Variants in PRELID2 observed in about 807,000 individuals in gnomAD.
PRELID2 encodes PRELI domain-containing protein 2.
PRELID2 carries 25 observed loss-of-function variants against 28.4 expected under a neutral mutation model. The observed-to-expected ratio is 0.88, with a 90% CI of 0.64 to 1.23. The LOEUF (loss-of-function observed/expected upper bound fraction) is 1.23, where lower values mean the gene tolerates loss of function less well. Ranked by LOEUF, PRELID2 falls within the 50% of genes most tolerant of loss-of-function variation. PRELID2 has a pLI of 0.00. For synonymous variants in PRELID2, 76 were observed against 71.6 expected (o/e 1.06, Z -0.31); for missense variants, 201 against 214.4 (o/e 0.94, Z 0.39).
the PRELID2 span, among the ~76,000 whole-genome samples, chr5:145,458,118 A>G: frequency 6.6e-6 from 1 of 152,236 alleles, no homozygotes. Context: ...ACAATTATGC[A>G]TTAGTTCAAA....
downstream of PRELID2, among the ~76,000 whole-genome samples, chr5:145,753,741 A>G (rs1275875401): frequency 6.6e-6 from 1 of 152,222 alleles, no homozygotes; most frequent in Non-Finnish European, 1.5e-5. Flanking sequence ...TCTGAGGGTG[A>G]GACCCTGGCA....
the PRELID2 span, among the ~76,000 whole-genome samples, chr5:145,424,228 G>A: frequency 1.3e-5 from 2 of 152,104 alleles, no homozygotes; most frequent in Admixed American, 6.5e-5. Context: ...AGCCTACAGA[G>A]GCAGGCAGGC....
chr5:145,793,673 T>C (rs1340093488), intron 5 of PRELID2, among the ~76,000 whole-genome samples: 2 of 152,158 alleles, frequency 1.3e-5, no homozygotes, highest in African/African-American at 4.8e-5. Context: ...CTTTAAGAAG[T>C]TGAAGTCACC....
the PRELID2 span, among the ~76,000 whole-genome samples, chr5:145,314,308 G>A: frequency 2.0e-5 from 3 of 152,114 alleles, no homozygotes; most frequent in East Asian, 3.9e-4. Flanking sequence ...CTTTATGTGT[G>A]TGTTACATAA....
At chr5:145,368,982 T>C in the PRELID2 span, among the ~76,000 whole-genome samples, 3 of 151,742 alleles carry the variant, frequency 2.0e-5, no homozygotes, top group Non-Finnish European at 2.9e-5. Flanking sequence ...AACCCTCCGA[T>C]AGGCCCCAGT....
chr5:145,806,111 T>G (rs747720287), intron 4 of PRELID2, among the ~76,000 whole-genome samples: 13 of 152,190 alleles, frequency 8.5e-5, no homozygotes, highest in Non-Finnish European at 1.6e-4. Context: ...CTACACTAAA[T>G]TTATTTTTAA....
the PRELID2 span, among the ~76,000 whole-genome samples, chr5:145,466,191 A>G: frequency 6.6e-6 from 1 of 152,166 alleles, no homozygotes; most frequent in South Asian, 2.1e-4. Context: ...ACAGATAAGA[A>G]CATCTAAAAA....
intron 1 of PRELID2, among the ~76,000 whole-genome samples, chr5:145,720,921 GTTT>G (rs911986983): frequency 1.3e-5 from 2 of 151,930 alleles, no homozygotes; most frequent in African/African-American, 2.4e-5. Context: ...ACCTCAGAAA[GTTT>G]TTGTTTATGT....
At chr5:145,770,823 A>G (rs979685232) in intron 5 of PRELID2, among the ~76,000 whole-genome samples, 2 of 152,238 alleles carry the variant, frequency 1.3e-5, no homozygotes, top group African/African-American at 4.8e-5. Context: ...TACCTGTGCA[A>G]TGTGTTTGCG....
At chr5:145,264,685 T>TA in the PRELID2 span, among the ~76,000 whole-genome samples, 1 of 151,902 alleles carries the variant, frequency 6.6e-6, no homozygotes, top group African/African-American at 2.4e-5. Context: ...TAAAAATTGG[T>TA]AAACAGAGCC....
At chr5:145,295,764 A>G in the PRELID2 span, among the ~76,000 whole-genome samples, 1 of 152,212 alleles carries the variant, frequency 6.6e-6, no homozygotes, top group Non-Finnish European at 1.5e-5. Context: ...CTATGAAGGC[A>G]GAGACCTTGT....
At chr5:145,413,339 G>T in the PRELID2 span, among the ~76,000 whole-genome samples, 1 of 81,824 alleles carries the variant, frequency 1.2e-5, no homozygotes, top group African/African-American at 4.7e-5. Flanking sequence ...TATAATAGAA[G>T]TTGACATGAA....
the PRELID2 span, among the ~76,000 whole-genome samples, chr5:145,389,383 ACAGAGG>A: frequency 1.3e-5 from 2 of 152,154 alleles, no homozygotes; most frequent in African/African-American, 4.8e-5. Flanking sequence ...ATCACCTGAC[ACAGAGG>A]CAGTAAACAC....
chr5:145,229,137 G>T, the PRELID2 span: 1 of 1,215,402 alleles, frequency 8.2e-7, no homozygotes. Context: ...CGTCCAGCGG[G>T]TGGGGGCCAA....
chr5:145,675,291 G>C (rs1754792005), intron 1 of PRELID2, among the ~76,000 whole-genome samples: 1 of 151,904 alleles, frequency 6.6e-6, no homozygotes. Context: ...CATATGAAAA[G>C]AGACTTAATC....
chr5:145,614,362 G>A (rs548684857), intron 1 of PRELID2, among the ~76,000 whole-genome samples: 1 of 152,232 alleles, frequency 6.6e-6, no homozygotes, highest in South Asian at 2.1e-4. Flanking sequence ...GAAGAGTGAT[G>A]GTGGTATTTT....
chr5:145,800,634 C>T (rs1275637114), intron 4 of PRELID2, among the ~76,000 whole-genome samples: 1 of 152,150 alleles, frequency 6.6e-6, no homozygotes, highest in Non-Finnish European at 1.5e-5. Flanking sequence ...ACCAATATTT[C>T]TTTCTGCCAC....
Position 145,741,191 on chromosome 5 carries a change from T to A in PRELID2, n.70+23740A>T, listed in dbSNP as rs187895561. On this transcript the variant is annotated intron_variant and non_coding_transcript_variant, in intron 1 of 2. Coordinates refer to the PRELID2 transcript ENST00000510259. Reference sequence around the variant, plus strand: ...ATATATTTTATTTATATATAATATATACTATACAGATATAAATATATATAA... The same window carrying A: ...ATATATTTTATTTATATATAATATAAACTATACAGATATAAATATATATAA... Among the ~76,000 whole-genome samples, 256 of 94,338 alleles carry A rather than the reference T, an allele frequency of 2.7e-3. 3 individuals carry two copies. Among genetic ancestry groups the A allele is most frequent in the African/African-American group, 0.01 (241 of 23,454 alleles). 61.9% of individuals were successfully genotyped at this position (94,338 alleles called of 152,430 possible). A position where few individuals can be genotyped will look rare whatever the true frequency, so the allele number is the denominator to read the frequency against.
chr5:145,458,175 A>G, the PRELID2 span, among the ~76,000 whole-genome samples: 3 of 152,194 alleles, frequency 2.0e-5, no homozygotes, highest in African/African-American at 4.8e-5. Context: ...AGTAAGATAC[A>G]AAAAATTTTC....
Sources: allele counts gnomAD v4.1 joint callset (sites outside exome capture counted in the v4.1 genomes callset), GRCh38; gene constraint gnomAD v4.1.1; transcripts MANE v1.5; gene names NCBI Gene and HGNC (gene_info 2026-07-23, HGNC 2026-07-21).